Variants in NUP98 observed in about 807,000 individuals in gnomAD.
NUP98 encodes nucleoporin 98 and 96 precursor.
A neutral mutation model predicts 191.9 loss-of-function variants in NUP98; 26 were observed. The observed-to-expected ratio is 0.14, with a 90% CI of 0.10 to 0.19. NUP98 has a LOEUF of 0.19. NUP98 is among the 10% of genes least tolerant of loss of function. The pLI, the probability that NUP98 is intolerant of heterozygous loss-of-function variation, is 1.00. For synonymous variants in NUP98, 808 were observed against 778.4 expected (o/e 1.04, Z -0.63); for missense variants, 1,941 against 2,178.8 (o/e 0.89, Z 2.17).
intron 2 of NUP98, among the ~76,000 whole-genome samples, chr11:3,780,398 C>T (rs1159910689): frequency 3.3e-5 from 5 of 150,142 alleles, no homozygotes; most frequent in South Asian, 2.1e-4. Context: ...AAAAATTAGC[C>T]GGGCCTGGTG....
At chr11:3,743,417 CG>C (rs2080359625) in intron 12 of NUP98, among the ~76,000 whole-genome samples, 1 of 143,868 alleles carries the variant, frequency 7.0e-6, no homozygotes, top group South Asian at 2.4e-4. Flanking sequence ...GAGGCCGAGG[CG>C]GGCGGATCAC....
At chr11:3,756,465 A>T (rs992083791) in intron 10 of NUP98, among the ~76,000 whole-genome samples, 6 of 152,042 alleles carry the variant, frequency 3.9e-5, no homozygotes, top group African/African-American at 1.4e-4. Context: ...CCAAAAAAAA[A>T]CCTCTAAGCA....
Position 3,720,758 on chromosome 11 carries a change from A to G in NUP98, c.2214T>C (p.Asn738=). The G allele has an allele frequency of 6.3e-7, 1 of 1,589,048 alleles. No homozygotes were observed. The highest frequency in any genetic ancestry group is 8.6e-7 in the Non-Finnish European group (1 of 1,164,062). Residue 738 remains asparagine (N), a synonymous_variant, in exon 17 of 33, where the codon AAT becomes AAC. Coordinates refer to ENST00000324932, the MANE Select transcript of NUP98 (RefSeq NM_016320.5). The stretch of plus-strand genomic sequence containing the variant: ...CAGAGACAATGCACTCTCCTTTTTC[A>G]TTGGTAATTTTAGCAAGGTCATCCA... The part of the protein sequence containing the change: ...PSMDDLAKIT[N]EKGECIVSDF...
intron 11 of NUP98, among the ~76,000 whole-genome samples, chr11:3,746,294 A>AAAAAAAAAAAAAAAAAAAAAAAG (rs144936005): frequency 1.1e-5 from 1 of 93,086 alleles, no homozygotes; most frequent in African/African-American, 5.0e-5. Context: ...AAAAAAAAAA[A>AAAAAAAAAAAAAAAAAAAAAAAG]GACAGCTTTG....
chr11:3,731,690 A>G, intron 13 of NUP98, 112 bp from the exon 14 acceptor site: 1 of 678,102 alleles, frequency 1.5e-6, no homozygotes. Context: ...CACCTGCTAG[A>G]TACCTGTTGA....
In NUP98 at chr11:3,699,097, G is replaced by A; in HGVS notation, c.3994C>T (p.Leu1332=). 6.2e-7 allele frequency: 1 copy of A among 1,612,674 alleles called. No individual in the cohort carries two copies. The highest frequency in any genetic ancestry group is 8.5e-7 in the Non-Finnish European group (1 of 1,179,982). The change falls in exon 25 of 33, where the codon CTG becomes TTG. Residue 1332 remains leucine (L), a synonymous_variant. Transcript: ENST00000324932. Reference sequence around the variant, plus strand: ...CCTTCCCCACCTGACTGCTGGGCCAGAGAGCAGGCCTCACTGATCCTTTTG... The same window carrying A: ...CCTTCCCCACCTGACTGCTGGGCCAAAGAGCAGGCCTCACTGATCCTTTTG... ...TGKRISEACS[L]AQQSGDHRLA...
At position 3,779,163 on chromosome 11, in the gene NUP98, A is replaced by C; in HGVS notation, c.171T>G (p.Thr57=). The C allele has an allele frequency of 6.2e-7, 1 of 1,613,966 alleles. No individual in the cohort carries two copies. Among genetic ancestry groups the C allele is most frequent in the Non-Finnish European group, 8.5e-7 (1 of 1,179,798 alleles). ...NTGGLFGNSQ[T]KPGGLFGTSS... ...CACAAATAAAGCCCCTACCTGGTTT[A>C]GTCTGTGAATTTCCAAAGAGGCCTC... The change falls in exon 3 of 33, where the codon ACT becomes ACG. Residue 57 remains threonine, a synonymous_variant. Coordinates refer to ENST00000324932, the MANE Select transcript of NUP98 (RefSeq NM_016320.5).
intron 2 of NUP98, 67 bp downstream of exon 2, chr11:3,781,975 A>G (rs2081984893): frequency 2.0e-6 from 2 of 1,012,154 alleles, no homozygotes; most frequent in African/African-American, 1.6e-5. Flanking sequence ...AAAGCTTATC[A>G]GAGTGGATTT....
chr11:3,724,836 G>C (rs1663750815), intron 15 of NUP98, among the ~76,000 whole-genome samples: 1 of 147,534 alleles, frequency 6.8e-6, no homozygotes, highest in Admixed American at 6.7e-5. Context: ...AAGGGCTAAA[G>C]GGTGTCAAAT....
intron 16 of NUP98, 137 bp from the exon 17 acceptor site, chr11:3,720,962 G>C: frequency 1.8e-6 from 1 of 560,384 alleles, no homozygotes; most frequent in East Asian, 3.0e-5. Context: ...ATTCCTAGGA[G>C]AAGGGGTGTG....
Position 3,773,622 on chromosome 11 carries a change from T to G in NUP98, c.603+10A>C, listed in dbSNP as rs2081606287. ...GGTTAGACTGACATTCTGTATTGTA[T>G]TTTACTGACCTCTAGTGACTTGCTT... On this transcript the variant is annotated intron_variant, in intron 6 of 32. Transcript: ENST00000324932. 6.6e-7 allele frequency: 1 copy of G among 1,514,176 alleles called. No individual in the cohort carries two copies. The highest frequency in any genetic ancestry group is 1.4e-5 in the African/African-American group (1 of 72,614). 93.8% of individuals were successfully genotyped at this position (1,514,176 alleles called of 1,614,324 possible).
At chr11:3,745,799 G>T (rs192222757) in intron 11 of NUP98, among the ~76,000 whole-genome samples, 1 of 151,914 alleles carries the variant, frequency 6.6e-6, no homozygotes, top group Non-Finnish European at 1.5e-5. Context: ...AACAAATACC[G>T]TTTACCAGGA....
intron 23 of NUP98, among the ~76,000 whole-genome samples, 199 bp downstream of exon 23, chr11:3,702,264 A>C (rs2078706634): frequency 6.8e-6 from 1 of 147,190 alleles, no homozygotes; most frequent in Non-Finnish European, 1.5e-5. Flanking sequence ...ACACCGGGGA[A>C]ACAGAGCAAA....
intron 27 of NUP98, among the ~76,000 whole-genome samples, chr11:3,692,696 G>A (rs915984984): frequency 1.3e-5 from 2 of 152,050 alleles, no homozygotes; most frequent in East Asian, 3.8e-4. Context: ...GACTGGTAAA[G>A]ATTTCAGGTA....
intron 6 of NUP98, 25 bp downstream of exon 6, chr11:3,773,607 A>G: frequency 7.3e-7 from 1 of 1,360,824 alleles, no homozygotes; most frequent in Non-Finnish European, 1.0e-6. Context: ...GGTTAGACTG[A>G]CATTCTGTAT....
In NUP98 at chr11:3,701,814, T is replaced by C. The variant is rs558175341; in HGVS notation, c.3512+649A>G. The stretch of plus-strand genomic sequence containing the variant: ...CATTCTCCTGCCTCAGCCTCCTGAC[T>C]AGCTGGGTCTACAGGCGCCTGCCAC... On this transcript the variant is annotated intron_variant, in intron 23 of 32. Coordinates refer to ENST00000324932, the MANE Select transcript of NUP98 (RefSeq NM_016320.5). Among the ~76,000 whole-genome samples, 54 of 151,846 alleles carry C rather than the reference T, an allele frequency of 3.6e-4. 1 individual carries two copies. The South Asian group carries it at 0.01, about 29-fold the overall frequency.
intron 12 of NUP98, among the ~76,000 whole-genome samples, chr11:3,738,732 G>A (rs2080167355): frequency 6.8e-6 from 1 of 147,368 alleles, no homozygotes. Flanking sequence ...GAGCCAAGAT[G>A]GTGCCACAGC....
intron 11 of NUP98, among the ~76,000 whole-genome samples, chr11:3,748,299 C>G (rs940496017): frequency 3.9e-5 from 6 of 152,188 alleles, no homozygotes; most frequent in Non-Finnish European, 7.3e-5. Context: ...GGCGCAGTGG[C>G]TCATGCCTGT....
intron 4 of NUP98, among the ~76,000 whole-genome samples, chr11:3,778,585 T>C (rs928361128): frequency 2.6e-5 from 4 of 152,260 alleles, no homozygotes; most frequent in African/African-American, 9.6e-5. Flanking sequence ...TACACTACTC[T>C]GACCTGGCTT....
Sources: gnomAD v4.1 joint callset for allele counts (sites outside exome capture counted in the v4.1 genomes callset) on GRCh38, gnomAD v4.1.1 for gene constraint, MANE v1.5 for transcripts, NCBI Gene and HGNC (gene_info 2026-07-23, HGNC 2026-07-21) for gene names.